The following MID1 variants were observed in gnomAD, a reference collection of about 807,000 sequenced individuals.
MID1 encodes E3 ubiquitin-protein ligase Midline-1.
MID1 carries 7 observed loss-of-function variants against 40.4 expected under a neutral mutation model. The observed-to-expected ratio is 0.17, with a 90% confidence interval of 0.10 to 0.33. The LOEUF (loss-of-function observed/expected upper bound fraction) is 0.33. Among genes scored for constraint, MID1 ranks in the 10% least tolerant of loss-of-function variants. The probability of loss-of-function intolerance (pLI) is 1.00; values close to 1 mark genes in which losing one functional copy is unlikely to be tolerated. For synonymous variants in MID1, 229 were observed against 221.2 expected (o/e 1.04, Z -0.31); for missense variants, 367 against 558.5 (o/e 0.66, Z 3.46).
At position 10,567,391 on chromosome X, in the gene MID1, C is replaced by T. The variant is rs147970950; in HGVS notation, c.157G>A (p.Ala53Thr). The T allele has an allele frequency of 1.5e-5, 18 of 1,201,961 alleles. No individual in the cohort carries two copies. The highest frequency in any genetic ancestry group is 7.0e-5 in the African/African-American group (4 of 56,918). ...TGCCGGCAGGTGGGGCACTGGAAGG[C>T]GGTGATGGACTCCACAGACTCGTTG... ...ATNESVESIT[A>T]FQCPTCRHVI... Residue 53 changes from alanine to threonine, a missense_variant, in exon 2 of 10, where the codon GCC becomes ACC. By Grantham distance (58) the Ala-to-Thr change is moderately conservative (BLOSUM62 0). Coordinates refer to ENST00000317552, the MANE Select transcript of MID1 (RefSeq NM_000381.4).
chrX:10,722,147 C>G (rs1044127428), intron 1 of MID1, among the ~76,000 whole-genome samples: 4 of 111,766 alleles, frequency 3.6e-5, no homozygotes, highest in African/African-American at 1.3e-4. Context: ...GATGATGCTA[C>G]TTATCCAGAG....
At chrX:10,648,332 C>CGT (rs760451681) in intron 1 of MID1, among the ~76,000 whole-genome samples, 20 of 111,099 alleles carry the variant, frequency 1.8e-4, no homozygotes, top group Non-Finnish European at 3.4e-4. Context: ...TCTCTGTGTG[C>CGT]GTGTGTGTGT....
chrX:10,832,323 A>T (rs2044257986), intron 1 of MID1, among the ~76,000 whole-genome samples: 2 of 112,666 alleles, frequency 1.8e-5, no homozygotes, highest in African/African-American at 6.4e-5. Context: ...GTTTGAAATC[A>T]ATAGTCTCAC....
At chrX:10,818,508 A>C (rs1181579433) in intron 1 of MID1, among the ~76,000 whole-genome samples, 1 of 112,767 alleles carries the variant, frequency 8.9e-6, no homozygotes, top group Non-Finnish European at 1.9e-5. Context: ...TAACAAAGAC[A>C]TCTTAAGTCC....
rs150505593 is a variant in MID1 at position 10,531,807 on chromosome X, A to C, written c.661-8620T>G. ...GACTAGTTATTTCCAGGTATTAGAG[A>C]TGTGAATGGCCTTTTTTATTCACTC... On this transcript the variant is annotated intron_variant, in intron 2 of 9. Transcript: ENST00000317552. Among the ~76,000 whole-genome samples, 607 of 111,577 alleles carry C rather than the reference A, an allele frequency of 5.4e-3. 8 individuals carry two copies. The highest frequency in any genetic ancestry group is 0.019 in the African/African-American group (587 of 30,696).
intron 1 of MID1, among the ~76,000 whole-genome samples, chrX:10,790,756 G>T (rs2043924663): frequency 9.0e-6 from 1 of 111,649 alleles, no homozygotes; most frequent in African/African-American, 3.3e-5. Context: ...CATCTAAACT[G>T]AATTTTCTTT....
intron 1 of MID1, among the ~76,000 whole-genome samples, chrX:10,822,148 G>A (rs969142896): frequency 9.0e-6 from 1 of 111,392 alleles, no homozygotes; most frequent in African/African-American, 3.3e-5. Flanking sequence ...CAGACACATA[G>A]AGCAATGGAA....
At chrX:10,686,536 T>G (rs1337351549) in intron 1 of MID1, among the ~76,000 whole-genome samples, 1 of 112,180 alleles carries the variant, frequency 8.9e-6, no homozygotes, top group Non-Finnish European at 1.9e-5. Context: ...CTGCCTCTTG[T>G]CTGAAATTTT....
chrX:10,471,718 C>G (rs1239080920), intron 6 of MID1, among the ~76,000 whole-genome samples: 1 of 111,744 alleles, frequency 8.9e-6, no homozygotes, highest in Non-Finnish European at 1.9e-5. Context: ...CCTGCATGGA[C>G]CAGTGAAGAA....
At position 10,567,426 on chromosome X, in the gene MID1, T is replaced by G. The variant is rs747064197; in HGVS notation, c.122A>C (p.His41Pro). The stretch of plus-strand genomic sequence containing the variant: ...CTCCACAGACTCGTTGGTGGCACAG[T>G]GTGATACTAGGATGCGGTGGGCGCA... The part of the protein sequence containing the change: ...FNCAHRILVS[H>P]CATNESVESI... Residue 41 changes from histidine (H) to proline (P), a missense_variant, in exon 2 of 10, where the codon CAC becomes CCC. By Grantham distance (77) the His-to-Pro change is moderately conservative. This residue lies in a region of MID1 where 78 missense variants were observed against 112.6 expected (regional missense o/e 0.69). Coordinates refer to ENST00000317552, the MANE Select transcript of MID1 (RefSeq NM_000381.4). The G allele has an allele frequency of 1.7e-6, 2 of 1,210,751 alleles. No homozygotes were observed. The highest frequency in any genetic ancestry group is 2.2e-6 in the Non-Finnish European group (2 of 894,920).
At chrX:10,594,048 C>T (rs1045096467) in intron 1 of MID1, among the ~76,000 whole-genome samples, 14 of 110,655 alleles carry the variant, frequency 1.3e-4, no homozygotes, top group African/African-American at 4.3e-4. Context: ...CAGATTTAGC[C>T]GTGGTACTGG....
At chrX:10,523,005 T>A in intron 3 of MID1, 87 bp downstream of exon 3, 4 of 689,857 alleles carry the variant, frequency 5.8e-6, no homozygotes, top group Non-Finnish European at 9.1e-6. Context: ...GATTCTTGTT[T>A]TAAAATTATA....
At chrX:10,777,857 A>C (rs991220587) in intron 1 of MID1, among the ~76,000 whole-genome samples, 1 of 111,773 alleles carries the variant, frequency 8.9e-6, no homozygotes, top group Non-Finnish European at 1.9e-5. Flanking sequence ...ACAAACATGC[A>C]CATTAGCCTA....
At chrX:10,573,341 A>T (rs1310309400) in intron 1 of MID1, among the ~76,000 whole-genome samples, 1 of 112,142 alleles carries the variant, frequency 8.9e-6, no homozygotes, top group Non-Finnish European at 1.9e-5. Flanking sequence ...CAGGCTGGGA[A>T]GTACAAGAAG....
intron 1 of MID1, among the ~76,000 whole-genome samples, chrX:10,792,550 T>C (rs1380949576): frequency 2.7e-5 from 3 of 112,224 alleles, no homozygotes; most frequent in Admixed American, 1.9e-4. Context: ...TTTTGAAATA[T>C]ATAAATAAAT....
At chrX:10,698,151 C>A (rs1038679085) in intron 1 of MID1, among the ~76,000 whole-genome samples, 6 of 112,087 alleles carry the variant, frequency 5.4e-5, no homozygotes, top group African/African-American at 1.9e-4. Flanking sequence ...TGAGCCATGA[C>A]CTCATCAGGC....
At chrX:10,567,736 T>A in intron 1 of MID1, 133 bp from the exon 2 acceptor site, 1 of 449,938 alleles carries the variant, frequency 2.2e-6, no homozygotes, top group Non-Finnish European at 3.8e-6. Context: ...TCCAAATAAT[T>A]CTCTTTCTAT....
intron 1 of MID1, among the ~76,000 whole-genome samples, chrX:10,625,743 C>T (rs1320770455): frequency 3.6e-5 from 4 of 111,868 alleles, no homozygotes; most frequent in Non-Finnish European, 7.5e-5. Flanking sequence ...TGTTTTCATA[C>T]CAAGGCTCAA....
At chrX:10,822,469 A>G (rs1416293288) in intron 1 of MID1, among the ~76,000 whole-genome samples, 2 of 112,278 alleles carry the variant, frequency 1.8e-5, no homozygotes, top group East Asian at 5.5e-4. Context: ...AGCAATTGCA[A>G]CAAAAGCAAA....
Sources: gnomAD v4.1 joint callset for allele counts (sites outside exome capture counted in the v4.1 genomes callset) on GRCh38, gnomAD v4.1.1 for gene constraint, gnomAD v4.1.1 regional missense constraint, MANE v1.5 for transcripts, NCBI Gene and HGNC (gene_info 2026-07-23, HGNC 2026-07-21) for gene names.